Variants in THBS2 observed in about 807,000 individuals in gnomAD.
The protein encoded by THBS2 is thrombospondin 2, also known as thrombospondin-2.
A neutral mutation model predicts 135.2 loss-of-function variants in THBS2; 47 were observed. The ratio of observed to expected loss-of-function variants is 0.35; its 90% CI spans 0.28 to 0.44. The LOEUF is 0.44. THBS2 is among the 20% of genes least tolerant of loss of function. The pLI is 1.00. For missense variants in THBS2, 1,288 were observed against 1,603.1 expected (o/e 0.80, Z 3.36); for synonymous variants, 639 against 633.8 (o/e 1.01, Z -0.12).
intron 9 of THBS2, 65 bp from the exon 10 acceptor site, chr6:169,234,972 G>A (rs1779982945): frequency 1.3e-6 from 2 of 1,492,222 alleles, no homozygotes; most frequent in Non-Finnish European, 1.8e-6. Flanking sequence ...TGAGTTGGCT[G>A]AGTGAGAGGG....
chr6:169,237,180 G>A lies in THBS2; in HGVS notation c.1467C>T (p.Ala489=). The A allele has an allele frequency of 6.2e-6, 10 of 1,606,938 alleles. No homozygotes were observed. The highest frequency in any genetic ancestry group is 7.6e-6 in the Non-Finnish European group (9 of 1,179,050). Residue 489 remains alanine, a synonymous_variant, in exon 9 of 22, where the codon GCC becomes GCT. Transcript: ENST00000617924. ...SGRETKACQG[A]PCPIDGRWSP... is the part of the protein sequence containing the mutation. ...CTTCACCGTACTTACTTGGGCATGG[G>A]GCGCCCTGGCAGGCTTTGGTCTCCC...
intron 13 of THBS2, among the ~76,000 whole-genome samples, chr6:169,231,388 C>G (rs1416374208): frequency 6.6e-6 from 1 of 152,180 alleles, no homozygotes; most frequent in Non-Finnish European, 1.5e-5. Context: ...AGCACGGCCC[C>G]GCTAGCACCT....
intron 21 of THBS2, among the ~76,000 whole-genome samples, chr6:169,219,487 A>C (rs755930817): frequency 2.0e-5 from 3 of 152,046 alleles, no homozygotes; most frequent in Non-Finnish European, 4.4e-5. Flanking sequence ...TCCTAACATA[A>C]GGAGAAGAAA....
intron 1 of THBS2, among the ~76,000 whole-genome samples, chr6:169,253,160 T>A (rs1194110456): frequency 6.6e-6 from 1 of 152,114 alleles, no homozygotes; most frequent in African/African-American, 2.4e-5. Context: ...CTGCTAATAA[T>A]GTTAACAATC....
chr6:169,250,863 G>A (rs1203777075), intron 1 of THBS2, 57 bp from the exon 2 acceptor site: 40 of 1,253,548 alleles, frequency 3.2e-5, no homozygotes, highest in Non-Finnish European at 4.2e-5. Context: ...CCCTGCCTGT[G>A]AGCGAGACTG....
chr6:169,227,209 C>T (rs1235917952), intron 15 of THBS2, among the ~76,000 whole-genome samples: 4 of 152,130 alleles, frequency 2.6e-5, no homozygotes, highest in African/African-American at 4.8e-5. Flanking sequence ...GAGGACCCCA[C>T]GAGGCGAAGT....
In THBS2 at chr6:169,241,142, G is replaced by A. The variant is rs182167934; in HGVS notation, c.892-550C>T. Among the ~76,000 whole-genome samples, 26 of 151,356 alleles carry A rather than the reference G, an allele frequency of 1.7e-4. No individual in the cohort carries two copies. Among genetic ancestry groups the A allele is most frequent in the Admixed American group, 8.6e-4 (13 of 15,142 alleles). ...TACTTCATGCCCTCTGGGTACGAGT[G>A]ACAGTCAGCATCACTGCACCCTGGT... is the stretch of plus-strand genomic sequence containing the variant. On this transcript the variant is annotated intron_variant, in intron 5 of 21. Transcript: ENST00000617924. This position sits in a 1 kb window ranked among gnomAD's most constrained non-coding sequence, Gnocchi z 5.5.
intron 14 of THBS2, among the ~76,000 whole-genome samples, chr6:169,228,610 CT>C (rs2114988404): frequency 6.6e-6 from 1 of 152,034 alleles, no homozygotes; most frequent in South Asian, 2.1e-4. Context: ...TGGCTCACAC[CT>C]TTAATCCCAG....
intron 7 of THBS2, among the ~76,000 whole-genome samples, chr6:169,238,831 G>T (rs570188305): frequency 6.6e-6 from 1 of 152,322 alleles, no homozygotes; most frequent in African/African-American, 2.4e-5. Flanking sequence ...AATGTTTGGG[G>T]GATGGTGACT....
At chr6:169,248,266 CAT>C in intron 3 of THBS2, 149 bp downstream of exon 3, 1 of 927,138 alleles carries the variant, frequency 1.1e-6, no homozygotes, top group East Asian at 2.4e-5. Flanking sequence ...TGTGTGCACG[CAT>C]GTGTGTGAGC....
At chr6:169,235,089 A>G (rs1278808184) in intron 9 of THBS2, among the ~76,000 whole-genome samples, 182 bp from the exon 10 acceptor site, 1 of 152,202 alleles carries the variant, frequency 6.6e-6, no homozygotes, top group Non-Finnish European at 1.5e-5. Flanking sequence ...GCCTGCTGCA[A>G]TGGTGGATTC....
At chr6:169,234,047 C>T (rs1287467600) in intron 10 of THBS2, among the ~76,000 whole-genome samples, 1 of 150,792 alleles carries the variant, frequency 6.6e-6, no homozygotes. Context: ...TCACATTTCA[C>T]ACCACACCGC....
rs200132221 is a variant in THBS2, at chr6:169,225,100, C to G, written c.2773+45G>C. 1,845 of 1,593,820 alleles carry G rather than the reference C, an allele frequency of 1.2e-3. 4 individuals carry two copies. The highest frequency in any genetic ancestry group is 2.5e-3 in the Middle Eastern group (15 of 6,008). ...CATATCTCTGCCCTGGCGGGTTGCT[C>G]AGAAGCCATTTTCCTCCACGCCCAT... On this transcript the variant is annotated intron_variant, in intron 17 of 21. Transcript: ENST00000617924.
chr6:169,232,152 T>C lies in THBS2; in HGVS notation c.1979A>G (p.His660Arg). 1.2e-6 allele frequency: 2 copies of C among 1,614,044 alleles called. No homozygotes were observed. Among genetic ancestry groups the C allele is most frequent in the Non-Finnish European group, 1.7e-6 (2 of 1,179,960 alleles). ...CAGGTAGATGCACTCCGCGTGCTTG[T>C]GGCAGTTGTGTGTCTTGTCCTTGCA... ...NPCKDKTHNC[H>R]KHAECIYLGH... Residue 660 changes from histidine to arginine, a missense_variant, in exon 13 of 22, where the codon CAC (histidine) becomes CGC (arginine). By Grantham distance (29) the His-to-Arg change is conservative. Coordinates refer to ENST00000617924, the MANE Select transcript of THBS2 (RefSeq NM_003247.5).
intron 2 of THBS2, among the ~76,000 whole-genome samples, chr6:169,249,576 G>A (rs925126465): frequency 6.6e-6 from 1 of 152,228 alleles, no homozygotes; most frequent in Non-Finnish European, 1.5e-5. Flanking sequence ...TATGTCAGCA[G>A]GTTGTTATTT....
Position 169,217,750 on chromosome 6 carries a change from G to A in THBS2, c.*72C>T. Reference sequence around the variant, plus strand: ...TGCTGCTAGAGAGAGAAGCCACAAGGACCACAATGAACTGAGGTGTCTAGG... The same window carrying A: ...TGCTGCTAGAGAGAGAAGCCACAAGAACCACAATGAACTGAGGTGTCTAGG... On this transcript the variant is annotated 3_prime_UTR_variant, in exon 22 of 22. Transcript: ENST00000617924. 1.3e-6 allele frequency: 2 copies of A among 1,546,398 alleles called. No individual in the cohort carries two copies. The highest frequency in any genetic ancestry group is 1.8e-6 in the Non-Finnish European group (2 of 1,132,150).
Position 169,228,134 on chromosome 6 carries a change from T to C in THBS2, c.2407A>G (p.Ile803Val). The C allele has an allele frequency of 6.2e-7, 1 of 1,612,448 alleles. No homozygotes were observed. Among genetic ancestry groups the C allele is most frequent in the South Asian group, 1.1e-5 (1 of 90,790 alleles). ...CAGAAGCACCCACCGTCCCCATCAATGTCCACGGAGCAGGCGTCACCCTCT... is the reference window on the plus strand; with the variant it reads ...CAGAAGCACCCACCGTCCCCATCAACGTCCACGGAGCAGGCGTCACCCTCT... ...NGEGDACSVD[I>V]DGDDVFNERD... The change falls in exon 15 of 22, where the codon ATT becomes GTT. Residue 803 changes from isoleucine (I) to valine (V), a missense_variant. Physicochemically the swap from Ile to Val is conservative, Grantham distance 29. This residue lies in a region of THBS2 where 874 missense variants were observed against 1,156.1 expected (regional missense o/e 0.76). Transcript: ENST00000617924.
rs568322203 is a variant in THBS2 at position 169,228,793 on chromosome 6, G to A, written c.2260-512C>T. On this transcript the variant is annotated intron_variant, in intron 14 of 21. Transcript: ENST00000617924. The stretch of plus-strand genomic sequence containing the variant: ...ACAAAAATGAGCCGGGCGTGGTGGT[G>A]TGCGCCTGTAATGCCAGTTACTCAG... Among the ~76,000 whole-genome samples, 7 of 151,976 alleles carry A rather than the reference G, an allele frequency of 4.6e-5. No individual in the cohort carries two copies. The East Asian group carries it at 1.2e-3, about 25-fold the overall frequency.
intron 4 of THBS2, among the ~76,000 whole-genome samples, chr6:169,244,909 C>T (rs1435498817): frequency 3.3e-5 from 5 of 152,226 alleles, no homozygotes; most frequent in African/African-American, 1.2e-4. Context: ...CCTTGTTCTC[C>T]TTCCTCACAG....
Sources: gnomAD v4.1 joint callset for allele counts (sites outside exome capture counted in the v4.1 genomes callset) on GRCh38, gnomAD v4.1.1 for gene constraint, gnomAD v4.1.1 regional missense constraint, Gnocchi (gnomAD v3.1) non-coding constraint, MANE v1.5 for transcripts, NCBI Gene and HGNC (gene_info 2026-07-23, HGNC 2026-07-21) for gene names.